The following CDK12 variants were observed in gnomAD, a reference collection of about 807,000 sequenced individuals.
The protein encoded by CDK12 is cyclin-dependent kinase 12.
A neutral mutation model predicts 133.8 loss-of-function variants in CDK12; 17 were observed. The observed-to-expected ratio is 0.13, with a 90% confidence interval of 0.09 to 0.19. The LOEUF (loss-of-function observed/expected upper bound fraction) is 0.19. Ranked by LOEUF, CDK12 falls within the 10% of genes least tolerant of loss-of-function variation. CDK12 has a pLI of 1.00. For synonymous variants in CDK12, 694 were observed against 683.6 expected (o/e 1.02, Z -0.24); for missense variants, 1,508 against 1,818.7 (o/e 0.83, Z 3.11).
At chr17:39,466,491 G>A (rs1318548970) in intron 1 of CDK12, among the ~76,000 whole-genome samples, 78 of 148,058 alleles carry the variant, frequency 5.3e-4, no homozygotes, top group African/African-American at 1.7e-3. Context: ...TCACATGCCT[G>A]TAATCCCAGC....
At chr17:39,484,252 T>TAG (rs1383057834) in intron 2 of CDK12, among the ~76,000 whole-genome samples, 1 of 152,198 alleles carries the variant, frequency 6.6e-6, no homozygotes, top group East Asian at 1.9e-4. Context: ...TTGGCAGTCC[T>TAG]AGAGCTTGGT....
At chr17:39,502,518 TC>T (rs1185040536) in intron 6 of CDK12, among the ~76,000 whole-genome samples, 2 of 152,182 alleles carry the variant, frequency 1.3e-5, no homozygotes, top group African/African-American at 4.8e-5. Flanking sequence ...ACATTTCCCC[TC>T]TTTATGGTGT....
At chr17:39,488,772 A>T (rs1256323405) in intron 2 of CDK12, among the ~76,000 whole-genome samples, 1 of 151,992 alleles carries the variant, frequency 6.6e-6, no homozygotes, top group Non-Finnish European at 1.5e-5. Flanking sequence ...ATTTTTCGAG[A>T]CAGAGCTGCC....
intron 3 of CDK12, among the ~76,000 whole-genome samples, chr17:39,561,111 G>C (rs1053035221): frequency 6.6e-6 from 1 of 152,228 alleles, no homozygotes; most frequent in Non-Finnish European, 1.5e-5. Context: ...AAAGTGAATG[G>C]TGCGCCTGAG....
At chr17:39,478,667 C>T (rs1314475134) in intron 2 of CDK12, among the ~76,000 whole-genome samples, 2 of 152,052 alleles carry the variant, frequency 1.3e-5, no homozygotes, top group East Asian at 3.9e-4. Context: ...CCTGTTTCTA[C>T]CATTAAACAA....
intron 11 of CDK12, among the ~76,000 whole-genome samples, chr17:39,522,017 C>T (rs974073908): frequency 3.9e-5 from 6 of 152,136 alleles, no homozygotes; most frequent in African/African-American, 1.4e-4. Context: ...GGTTTTTGCT[C>T]TTAACCATTC....
chr17:39,484,641 T>C (rs1297224356), intron 2 of CDK12, among the ~76,000 whole-genome samples: 2 of 152,192 alleles, frequency 1.3e-5, no homozygotes, highest in Non-Finnish European at 2.9e-5. Context: ...ATACTCATTC[T>C]GTCTTGAAAT....
chr17:39,524,580 A>T, intron 11 of CDK12, 94 bp from the exon 12 acceptor site: 1 of 1,085,008 alleles, frequency 9.2e-7, no homozygotes, highest in Non-Finnish European at 1.4e-6. Context: ...TACATTTCCC[A>T]CAGTCTTTGC....
At chr17:39,566,247 C>A (rs1222847151), downstream of CDK12, among the ~76,000 whole-genome samples, 1 of 152,140 alleles carries the variant, frequency 6.6e-6, no homozygotes, top group African/African-American at 2.4e-5. Flanking sequence ...TGAATCCAGC[C>A]CAGCCCTGGG....
intron 10 of CDK12, among the ~76,000 whole-genome samples, chr17:39,519,200 G>A (rs972547768): frequency 1.3e-5 from 2 of 151,672 alleles, no homozygotes; most frequent in African/African-American, 4.9e-5. Flanking sequence ...ACTGTGCCCG[G>A]CCCAGCATTT....
rs550332264 is a variant in CDK12 at position 39,502,427 on chromosome 17, A to G, written c.2609+988A>G. Reference sequence around the variant, plus strand: ...CTCGGCCTCCCAAAGTGCTGGGATTACAGGCGTGAGCCACCACGCCTGGCC... The same window carrying G: ...CTCGGCCTCCCAAAGTGCTGGGATTGCAGGCGTGAGCCACCACGCCTGGCC... On this transcript the variant is annotated intron_variant, in intron 6 of 13. Coordinates refer to ENST00000447079, the MANE Select transcript of CDK12 (RefSeq NM_016507.4). Among the ~76,000 whole-genome samples, 16 of 152,302 alleles carry G rather than the reference A, an allele frequency of 1.1e-4. No individual in the cohort carries two copies. The East Asian group carries it at 3.1e-3, about 29-fold the overall frequency.
chr17:39,533,054 T>C lies in CDK12; in HGVS notation c.*1738T>C, dbSNP rs1177593708. 4.4e-6 allele frequency: 1 copy of C among 225,152 alleles called. No homozygotes were observed. Among genetic ancestry groups the C allele is most frequent in the Non-Finnish European group, 8.7e-6 (1 of 115,484 alleles). 13.9% of individuals were successfully genotyped at this position (225,152 alleles called of 1,614,324 possible). On this transcript the variant is annotated 3_prime_UTR_variant, in exon 14 of 14. Transcript: ENST00000447079. The stretch of plus-strand genomic sequence containing the variant: ...TATTTTAAAAAATAAAATCTACTTA[T>C]AAGAGAAAGGTGCATTACTTAAAAA...
chr17:39,463,246 CA>C, intron 1 of CDK12, 129 bp downstream of exon 1: 2 of 795,180 alleles, frequency 2.5e-6, no homozygotes, highest in Non-Finnish European at 4.0e-6. Context: ...GTTGGCTAGT[CA>C]TTCCAGTGTG....
chr17:39,475,029 T>C (rs927021176), intron 2 of CDK12, among the ~76,000 whole-genome samples: 1 of 151,782 alleles, frequency 6.6e-6, no homozygotes, highest in African/African-American at 2.4e-5. Flanking sequence ...GAGACAGGGT[T>C]TCACCATGTT....
At chr17:39,502,578 G>A (rs1402608052) in intron 6 of CDK12, among the ~76,000 whole-genome samples, 3 of 152,206 alleles carry the variant, frequency 2.0e-5, no homozygotes. Context: ...GGTTTTAGCA[G>A]TAAAAGGCTC....
At chr17:39,515,028 T>A (rs1452821370) in intron 8 of CDK12, among the ~76,000 whole-genome samples, 1 of 152,182 alleles carries the variant, frequency 6.6e-6, no homozygotes, top group Non-Finnish European at 1.5e-5. Context: ...TTTATTCATG[T>A]TAGATTCACT....
intron 5 of CDK12, among the ~76,000 whole-genome samples, chr17:39,497,092 C>T (rs1270499404): frequency 6.6e-6 from 1 of 151,944 alleles, no homozygotes; most frequent in Non-Finnish European, 1.5e-5. Flanking sequence ...GCCACCACGG[C>T]CGGCTAATTT....
At chr17:39,507,786 G>A (rs190193916) in intron 6 of CDK12, among the ~76,000 whole-genome samples, 4 of 152,256 alleles carry the variant, frequency 2.6e-5, no homozygotes, top group Admixed American at 2.6e-4. Context: ...CAAGTAATTT[G>A]AGGAATCATC....
chr17:39,465,435 T>C (rs1422540007), intron 1 of CDK12, among the ~76,000 whole-genome samples: 1 of 151,576 alleles, frequency 6.6e-6, no homozygotes, highest in African/African-American at 2.4e-5. Flanking sequence ...GGAGTAAAAT[T>C]TATATACAGT....
Sources: allele counts gnomAD v4.1 joint callset (sites outside exome capture counted in the v4.1 genomes callset), GRCh38; gene constraint gnomAD v4.1.1; transcripts MANE v1.5; gene names NCBI Gene and HGNC (gene_info 2026-07-23, HGNC 2026-07-21).